CSMD1: variants seen among roughly 807,000 people sequenced by gnomAD.
CSMD1 encodes the protein CUB and Sushi multiple domains 1, also known as CUB and sushi domain-containing protein 1.
A neutral mutation model predicts 417.5 loss-of-function variants in CSMD1; 213 were observed. The ratio of observed to expected loss-of-function variants is 0.51; its 90% CI spans 0.46 to 0.57. CSMD1 has a LOEUF of 0.57. Ranked by LOEUF, CSMD1 falls within the 20% of genes least tolerant of loss-of-function variation. The pLI is 0.00. For missense variants in CSMD1, 6,923 were observed against 4,529.7 expected, an observed-to-expected ratio of 1.53 and a Z score of -15.17; for synonymous variants, 2,862 against 1,736.8, an observed-to-expected ratio of 1.65 and a Z score of -16.11.
At position 3,103,135 on chromosome 8, in the gene CSMD1, C is replaced by T. The variant is rs531054412; in HGVS notation, c.6949+3393G>A. ...ATTTTAAAAAGTTAATCACTTATGT[C>T]TTTAAATAAATACACACTTACACAT... On this transcript the variant is annotated intron_variant, in intron 46 of 69. Coordinates refer to ENST00000635120, the MANE Select transcript of CSMD1 (RefSeq NM_033225.6). Among the ~76,000 whole-genome samples, 18 of 152,290 alleles carry T rather than the reference C, an allele frequency of 1.2e-4. No individual in the cohort carries two copies. In the South Asian group the frequency reaches 3.3e-3, roughly 28 times the overall value.
chr8:3,204,141 C>T (rs1164564174), intron 31 of CSMD1, among the ~76,000 whole-genome samples: 1 of 152,170 alleles, frequency 6.6e-6, no homozygotes, highest in Admixed American at 6.5e-5. Flanking sequence ...CACGCTGAAG[C>T]TTTCTGCCAG....
In CSMD1 at chr8:4,046,353, A is replaced by T. The variant is rs900973369; in HGVS notation, c.416-14254T>A. ...TTCTAAAAATAGACTCAATGTTATC[A>T]TTATAAACACTTTAATTTACTTGGC... On this transcript the variant is annotated intron_variant, in intron 3 of 69. Coordinates refer to ENST00000635120, the MANE Select transcript of CSMD1 (RefSeq NM_033225.6). 3.3e-5 allele frequency among the ~76,000 whole-genome samples: 5 copies of T among 152,290 alleles called. 1 individual carries two copies. The highest frequency in any genetic ancestry group is 6.8e-3 in the Middle Eastern group (2 of 294).
rs940803988 is a variant in CSMD1 at position 4,159,912 on chromosome 8, G to T, written c.416-127813C>A. ...TATGAGGATGCAAAGGCTTAAGAAT[G>T]ATATAAAAAACTTTCGGGCCTTGAG... On this transcript the variant is annotated intron_variant, in intron 3 of 69. Transcript: ENST00000635120. 2.6e-5 allele frequency among the ~76,000 whole-genome samples: 4 copies of T among 151,498 alleles called. No individual in the cohort carries two copies. In the East Asian group the frequency reaches 5.8e-4, roughly 22 times the overall value.
chr8:4,294,284 C>T (rs750431260), intron 3 of CSMD1, among the ~76,000 whole-genome samples: 2 of 152,122 alleles, frequency 1.3e-5, no homozygotes, highest in Admixed American at 6.6e-5. Context: ...TGAATAAAGG[C>T]TTCGGTGCTT....
chr8:3,518,533 T>C (rs962449984), intron 10 of CSMD1, among the ~76,000 whole-genome samples: 12 of 152,168 alleles, frequency 7.9e-5, no homozygotes, highest in African/African-American at 2.7e-4. Flanking sequence ...GATCAATGAT[T>C]GCCATAAAGT....
intron 3 of CSMD1, among the ~76,000 whole-genome samples, chr8:4,147,299 CG>C (rs770552971): frequency 3.2e-4 from 49 of 152,240 alleles, no homozygotes; most frequent in Non-Finnish European, 6.2e-4. Context: ...AAGTTCCCAG[CG>C]GGGAAGGGGA....
In CSMD1 at chr8:4,241,216, A is replaced by C. The variant is rs549361970; in HGVS notation, c.415+178737T>G. Among the ~76,000 whole-genome samples the C allele has an allele frequency of 3.9e-5, 6 of 152,332 alleles. No homozygotes were observed. In the South Asian group the frequency reaches 1.2e-3, roughly 32 times the overall value. ...CAGTCAAACAAAGTCCATGACTTGT[A>C]GCACACTAGAATAGAATTTGACACC... On this transcript the variant is annotated intron_variant, in intron 3 of 69. Transcript: ENST00000635120.
chr8:4,365,516 T>C (rs940235654), intron 3 of CSMD1, among the ~76,000 whole-genome samples: 3 of 152,240 alleles, frequency 2.0e-5, no homozygotes, highest in Non-Finnish European at 4.4e-5. Flanking sequence ...CCAGGCGTTG[T>C]GATTAAATTC....
intron 1 of CSMD1, among the ~76,000 whole-genome samples, chr8:4,690,634 A>C (rs1806708555): frequency 6.6e-6 from 1 of 152,328 alleles, no homozygotes; most frequent in South Asian, 2.1e-4. Context: ...ACAGTTATTC[A>C]CACAATCCTT....
chr8:4,624,031 T>G (rs184014244), intron 2 of CSMD1, among the ~76,000 whole-genome samples: 1 of 152,104 alleles, frequency 6.6e-6, no homozygotes, highest in African/African-American at 2.4e-5. Context: ...AAAGGACTCA[T>G]TCATCAAGCT....
intron 5 of CSMD1, among the ~76,000 whole-genome samples, chr8:3,879,724 T>C (rs1047700447): frequency 1.8e-4 from 26 of 145,742 alleles, no homozygotes; most frequent in East Asian, 7.8e-4. Flanking sequence ...CTAACCTACA[T>C]AGAAAAAGTG....
At chr8:3,259,253 G>A (rs1168042717) in intron 26 of CSMD1, among the ~76,000 whole-genome samples, 2 of 152,216 alleles carry the variant, frequency 1.3e-5, no homozygotes, top group African/African-American at 2.4e-5. Flanking sequence ...CCTGATTACA[G>A]AATGGAAGAC....
At chr8:4,788,292 G>T (rs1238700072) in intron 1 of CSMD1, 3 of 1,586,800 alleles carry the variant, frequency 1.9e-6, no homozygotes, top group Non-Finnish European at 2.6e-6. Flanking sequence ...ATTTGTGGCA[G>T]TGGCAGGCAG....
intron 3 of CSMD1, among the ~76,000 whole-genome samples, chr8:4,361,694 G>A (rs1385240914): frequency 6.6e-6 from 1 of 151,794 alleles, no homozygotes; most frequent in African/African-American, 2.4e-5. Flanking sequence ...CTTGGCTCAC[G>A]CCTGTAATCC....
chr8:4,993,203 A>G (rs548386152), intron 1 of CSMD1, among the ~76,000 whole-genome samples: 6 of 152,208 alleles, frequency 3.9e-5, no homozygotes, highest in Non-Finnish European at 7.4e-5. Flanking sequence ...GTGACCATTG[A>G]AAAAAAATCG....
At chr8:3,968,399 T>A (rs992556198) in intron 5 of CSMD1, among the ~76,000 whole-genome samples, 12 of 152,114 alleles carry the variant, frequency 7.9e-5, no homozygotes, top group African/African-American at 2.7e-4. Flanking sequence ...TGAGCACGGC[T>A]CTTCTTCCTT....
intron 26 of CSMD1, among the ~76,000 whole-genome samples, chr8:3,257,898 A>G (rs959055693): frequency 6.6e-6 from 1 of 152,104 alleles, no homozygotes; most frequent in African/African-American, 2.4e-5. Context: ...TGAAAATGTT[A>G]CAAGGGCGTG....
chr8:4,156,370 A>G (rs987963410), intron 3 of CSMD1, among the ~76,000 whole-genome samples: 15 of 152,174 alleles, frequency 9.9e-5, no homozygotes, highest in Non-Finnish European at 2.1e-4. Flanking sequence ...ACTTAAATGA[A>G]TGCAGAAGCC....
At chr8:4,584,866 T>C (rs1799621117) in intron 2 of CSMD1, among the ~76,000 whole-genome samples, 1 of 152,108 alleles carries the variant, frequency 6.6e-6, no homozygotes. Flanking sequence ...TTTATTTAGA[T>C]TGGATCAACT....
Sources: gnomAD v4.1 joint callset for allele counts (sites outside exome capture counted in the v4.1 genomes callset) on GRCh38, gnomAD v4.1.1 for gene constraint, MANE v1.5 for transcripts, NCBI Gene and HGNC (gene_info 2026-07-23, HGNC 2026-07-21) for gene names.